The following MLYCD variants were observed in gnomAD, a reference collection of about 807,000 sequenced individuals.
The protein encoded by MLYCD is malonyl-CoA decarboxylase.
A neutral mutation model predicts 35.8 loss-of-function variants in MLYCD; 27 were observed. The observed-to-expected ratio is 0.75, with a 90% CI of 0.56 to 1.04. The LOEUF is 1.04. MLYCD is among the 50% of genes least tolerant of loss of function. The pLI, the probability that MLYCD is intolerant of heterozygous loss-of-function variation, is 0.00. For synonymous variants in MLYCD, 403 were observed against 302.4 expected (o/e 1.33, Z -3.45); for missense variants, 917 against 665.1 (o/e 1.38, Z -4.17).
chr16:83,915,745 G>C lies in MLYCD; in HGVS notation c.*256G>C, dbSNP rs1907361776. 2 of 1,369,280 alleles carry C rather than the reference G, an allele frequency of 1.5e-6. No homozygotes were observed. The highest frequency in any genetic ancestry group is 1.9e-6 in the Non-Finnish European group (2 of 1,056,980). 84.8% of individuals were successfully genotyped at this position (1,369,280 alleles called of 1,614,324 possible). On this transcript the variant is annotated 3_prime_UTR_variant, in exon 5 of 5. Transcript: ENST00000262430. ...TGCTGTGCTGTCTCCGGAAGATTCTGTCGTTGCCCTTGGCCTGGCTCCCTG... is the reference window on the plus strand; with the variant it reads ...TGCTGTGCTGTCTCCGGAAGATTCTCTCGTTGCCCTTGGCCTGGCTCCCTG...
Position 83,919,158 on chromosome 16 carries a change from CAGG to C in MLYCD, c.*3672_*3674del, listed in dbSNP as rs1316272531. ...ACAGTGCACAGGAGAACACAGTGCA[CAGG>C]AGAATACACACGGTGCACAGGAGAA... On this transcript the variant is annotated 3_prime_UTR_variant, in exon 5 of 5. Transcript: ENST00000262430. 6.7e-6 allele frequency: 1 copy of C among 148,406 alleles called. No homozygotes were observed. Among genetic ancestry groups the C allele is most frequent in the African/African-American group, 2.5e-5 (1 of 39,754 alleles). The allele number at this position is 148,406 out of a possible 1,614,324, so 9.2% of individuals were successfully genotyped here. A position where few individuals can be genotyped will look rare whatever the true frequency, so the allele number is the denominator to read the frequency against.
intron 1 of MLYCD, among the ~76,000 whole-genome samples, chr16:83,902,744 G>C (rs1906842634): frequency 6.6e-6 from 1 of 152,132 alleles, no homozygotes; most frequent in Non-Finnish European, 1.5e-5. Context: ...GACCTCAGAT[G>C]ATCCGCCCGC....
chr16:83,908,354 T>C, intron 3 of MLYCD, 72 bp downstream of exon 3: 1 of 1,549,620 alleles, frequency 6.5e-7, no homozygotes, highest in Non-Finnish European at 8.7e-7. Flanking sequence ...TTTTGTTTTG[T>C]TTTTACTTGA....
rs1907519728 is a variant in MLYCD, at chr16:83,918,551, A to G, written c.*3062A>G. 7.4e-6 allele frequency: 1 copy of G among 135,926 alleles called. No individual in the cohort carries two copies. Among genetic ancestry groups the G allele is most frequent in the Admixed American group, 7.4e-5 (1 of 13,550 alleles). 8.4% of individuals were successfully genotyped at this position (135,926 alleles called of 1,614,324 possible). On this transcript the variant is annotated 3_prime_UTR_variant, in exon 5 of 5. Transcript: ENST00000262430. ...CAGGAGAACACATGGTGCACAGGAG[A>G]ACACGCACACACGGTGCACAGAACA...
At chr16:83,899,837 C>CTT (rs1375407343) in intron 1 of MLYCD, among the ~76,000 whole-genome samples, 165 bp downstream of exon 1, 1 of 152,182 alleles carries the variant, frequency 6.6e-6, no homozygotes, top group African/African-American at 2.4e-5. Flanking sequence ...CCCACGCTGT[C>CTT]TGAGTCCTGG....
chr16:83,903,896 A>G (rs1254617193), intron 1 of MLYCD, among the ~76,000 whole-genome samples: 1 of 152,084 alleles, frequency 6.6e-6, no homozygotes, highest in East Asian at 1.9e-4. Context: ...GAATTAACGC[A>G]CGTACAGTTG....
At position 83,917,024 on chromosome 16, in the gene MLYCD, G is replaced by A. The variant is rs367909455; in HGVS notation, c.*1535G>A. ...CGAGCGTCTCTGTGTGTCAGTGCACGTCTGTGTGCGTGTGCACAAGCGTCT... is the reference window on the plus strand; with the variant it reads ...CGAGCGTCTCTGTGTGTCAGTGCACATCTGTGTGCGTGTGCACAAGCGTCT... On this transcript the variant is annotated 3_prime_UTR_variant, in exon 5 of 5. Coordinates refer to ENST00000262430, the MANE Select transcript of MLYCD (RefSeq NM_012213.3). 4 of 115,604 alleles carry A rather than the reference G, an allele frequency of 3.5e-5. No individual in the cohort carries two copies. Among genetic ancestry groups the A allele is most frequent in the Non-Finnish European group, 5.2e-5 (3 of 57,450 alleles). 7.2% of individuals were successfully genotyped at this position (115,604 alleles called of 1,614,324 possible). A position where few individuals can be genotyped will look rare whatever the true frequency, so the allele number is the denominator to read the frequency against.
chr16:83,915,376 T>C lies in MLYCD; in HGVS notation c.1369T>C (p.Phe457Leu), dbSNP rs1907343114. The C allele has an allele frequency of 6.2e-7, 1 of 1,613,768 alleles. No homozygotes were observed. Among genetic ancestry groups the C allele is most frequent in the African/African-American group, 1.3e-5 (1 of 74,950 alleles). Residue 457 changes from phenylalanine (F) to leucine (L), a missense_variant, in exon 5 of 5, where the codon TTC becomes CTC. Transcript: ENST00000262430. Reference sequence around the variant, plus strand: ...CGGCCTGATGGCCAACTACCGCTACTTCCTGGAGGAGACGGGCCCCAACAG... The same window carrying C: ...CGGCCTGATGGCCAACTACCGCTACCTCCTGGAGGAGACGGGCCCCAACAG... ...SCGLMANYRY[F>L]LEETGPNSTS... is the part of the protein sequence containing the mutation.
chr16:83,910,444 C>T (rs1045029342), intron 3 of MLYCD, among the ~76,000 whole-genome samples: 3 of 152,020 alleles, frequency 2.0e-5, no homozygotes, highest in Non-Finnish European at 2.9e-5. Flanking sequence ...CCCAACACCC[C>T]GGGAGGCTGA....
In MLYCD at chr16:83,899,217, C is replaced by T; in HGVS notation, c.73C>T (p.Pro25Ser). 3 of 1,216,924 alleles carry T rather than the reference C, an allele frequency of 2.5e-6. No individual in the cohort carries two copies. The highest frequency in any genetic ancestry group is 3.1e-6 in the Non-Finnish European group (3 of 981,842). The allele number at this position is 1,216,924 out of a possible 1,614,324, so 75.4% of individuals were successfully genotyped here. A position where few individuals can be genotyped will look rare whatever the true frequency, so the allele number is the denominator to read the frequency against. Residue 25 changes from proline to serine, a missense_variant, in exon 1 of 5, where the codon CCC (proline) becomes TCC (serine). Physicochemically the swap from Pro to Ser is moderately conservative, Grantham distance 74 (BLOSUM62 -1). Coordinates refer to ENST00000262430, the MANE Select transcript of MLYCD (RefSeq NM_012213.3). ...PLRLPPRPPG[P>S]RLASGQAAGA... ...GCGGTTGCCCCCGCGGCCGCCCGGG[C>T]CCCGGCTGGCGAGCGGGCAGGCGGC...
rs766829818 is a variant in MLYCD at position 83,915,539 on chromosome 16, T to G, written c.*50T>G. 1 of 1,596,208 alleles carries G rather than the reference T, an allele frequency of 6.3e-7. No homozygotes were observed. The highest frequency in any genetic ancestry group is 1.1e-5 in the South Asian group (1 of 90,146). On this transcript the variant is annotated 3_prime_UTR_variant, in exon 5 of 5. Transcript: ENST00000262430. ...GGCCCCGGCTAAGAAAACGATCATTTTCAGGAGGGGCCGGGAGTTATGTAT... is the reference window on the plus strand; with the variant it reads ...GGCCCCGGCTAAGAAAACGATCATTGTCAGGAGGGGCCGGGAGTTATGTAT...
intron 1 of MLYCD, among the ~76,000 whole-genome samples, chr16:83,900,582 A>ATTTTTTTTTT (rs1156957811): frequency 8.3e-6 from 1 of 121,066 alleles, no homozygotes; most frequent in Admixed American, 8.8e-5. Flanking sequence ...TGCCCGGCTA[A>ATTTTTTTTTT]TTTTTTTTTT....
chr16:83,899,792 C>T, intron 1 of MLYCD, 120 bp downstream of exon 1: 4 of 1,251,446 alleles, frequency 3.2e-6, no homozygotes, highest in Non-Finnish European at 4.3e-6. Flanking sequence ...ACGCTCACTT[C>T]GCCCGCAGTT....
At chr16:83,902,159 A>G (rs111861873) in intron 1 of MLYCD, among the ~76,000 whole-genome samples, 6,255 of 77,282 alleles carry the variant, frequency 0.081, 310 homozygotes, top group African/African-American at 0.14. Context: ...GCGTGCGTAT[A>G]TATATATATA....
chr16:83,908,298 A>C lies in MLYCD; in HGVS notation c.798+16A>C. 6.2e-7 allele frequency: 1 copy of C among 1,613,306 alleles called. No homozygotes were observed. The highest frequency in any genetic ancestry group is 8.5e-7 in the Non-Finnish European group (1 of 1,179,974). On this transcript the variant is annotated intron_variant, in intron 3 of 4. Coordinates refer to ENST00000262430, the MANE Select transcript of MLYCD (RefSeq NM_012213.3). ...CAACATCCAGGTACCTGCGATGGTC[A>C]ATTCGGGACAAGATGGGCACCCCAT... is the stretch of plus-strand genomic sequence containing the variant.
At chr16:83,910,758 G>A (rs946419375) in intron 3 of MLYCD, among the ~76,000 whole-genome samples, 3 of 151,716 alleles carry the variant, frequency 2.0e-5, no homozygotes, top group African/African-American at 7.3e-5. Flanking sequence ...TCCTATGAAC[G>A]ACAGAGCTCT....
rs1184648944 is a variant in MLYCD, at chr16:83,908,360, C to A, written c.798+78C>A. ...TGTTTTTTGTTTTGTTTTGTTTTTA[C>A]TTGATTTTATCCTCCTTTTTTTTTT... On this transcript the variant is annotated intron_variant, in intron 3 of 4. Coordinates refer to ENST00000262430, the MANE Select transcript of MLYCD (RefSeq NM_012213.3). The A allele has an allele frequency of 3.3e-6, 5 of 1,506,844 alleles. No individual in the cohort carries two copies. In the South Asian group the frequency reaches 6.1e-5, roughly 18 times the overall value. The allele number at this position is 1,506,844 out of a possible 1,614,324, so 93.3% of individuals were successfully genotyped here.
At chr16:83,914,907 G>A (rs1458248874) in intron 4 of MLYCD, 49 bp from the exon 5 acceptor site, 1 of 1,613,624 alleles carries the variant, frequency 6.2e-7, no homozygotes, top group Admixed American at 1.7e-5. Context: ...CGTACCTGCT[G>A]AATTTGTGTT....
chr16:83,905,242 C>A (rs990366620), intron 1 of MLYCD, among the ~76,000 whole-genome samples: 1 of 151,570 alleles, frequency 6.6e-6, no homozygotes, highest in Admixed American at 6.6e-5. Context: ...AAAAAAAATT[C>A]TAGCTGTTGT....
Sources: allele counts gnomAD v4.1 joint callset (sites outside exome capture counted in the v4.1 genomes callset), GRCh38; gene constraint gnomAD v4.1.1; transcripts MANE v1.5; gene names NCBI Gene and HGNC (gene_info 2026-07-23, HGNC 2026-07-21).